Variants in MAP3K19 observed in about 807,000 individuals in gnomAD.
MAP3K19 encodes SPS1/STE20-related protein kinase YSK4.
Under a neutral mutation model 114.4 loss-of-function variants are expected in MAP3K19, and 91 were observed. The ratio of observed to expected loss-of-function variants is 0.80; its 90% CI spans 0.67 to 0.95. MAP3K19 has a LOEUF of 0.95. Ranked by LOEUF, MAP3K19 falls within the 40% of genes least tolerant of loss-of-function variation. MAP3K19 has a pLI of 0.00. For synonymous variants in MAP3K19, 518 were observed against 530.5 expected (o/e 0.98, Z 0.32); for missense variants, 1,471 against 1,573.2 (o/e 0.94, Z 1.10).
Position 135,000,029 on chromosome 2 carries a change from C to T in MAP3K19, c.236-14G>A. The T allele has an allele frequency of 2.6e-6, 4 of 1,547,414 alleles. No individual in the cohort carries two copies. The highest frequency in any genetic ancestry group is 3.6e-6 in the Non-Finnish European group (4 of 1,119,640). On this transcript the variant is annotated splice_polypyrimidine_tract_variant and intron_variant, in intron 6 of 12. Transcript: ENST00000392915. ...TGATCTCAACACCTGTAGAAACATA[C>T]CACAGTAGTAGAAGGAAGAAAGTAA...
At chr2:134,966,476 C>G (rs1188436283) in intron 12 of MAP3K19, among the ~76,000 whole-genome samples, 1 of 151,788 alleles carries the variant, frequency 6.6e-6, no homozygotes, top group East Asian at 1.9e-4. Context: ...AAAATTAAAG[C>G]AGTTGGATGT....
intron 4 of MAP3K19, chr2:135,023,228 CTTT>C (rs1688099970): frequency 2.9e-6 from 1 of 339,708 alleles, no homozygotes; most frequent in Non-Finnish European, 5.8e-6. Flanking sequence ...TTTGTAATCT[CTTT>C]TCCAATTTAA....
At chr2:134,966,663 C>A (rs1268073224) in intron 12 of MAP3K19, among the ~76,000 whole-genome samples, 2 of 152,142 alleles carry the variant, frequency 1.3e-5, no homozygotes, top group Admixed American at 1.3e-4. Flanking sequence ...CTTGAGCCCC[C>A]CAGGCCACAG....
intron 11 of MAP3K19, among the ~76,000 whole-genome samples, chr2:134,982,503 A>T (rs561810217): frequency 6.6e-6 from 1 of 151,994 alleles, no homozygotes; most frequent in African/African-American, 2.4e-5. Context: ...GGTCTGTGCC[A>T]CCACACCTGG....
At chr2:135,021,565 T>G in intron 5 of MAP3K19, 150 bp downstream of exon 5, 1 of 574,790 alleles carries the variant, frequency 1.7e-6, no homozygotes, top group South Asian at 2.3e-5. Flanking sequence ...AGATTAAACT[T>G]TCAGAAGAGT....
chr2:135,011,246 A>G (rs933851475), intron 5 of MAP3K19, among the ~76,000 whole-genome samples: 1 of 152,186 alleles, frequency 6.6e-6, no homozygotes, highest in Non-Finnish European at 1.5e-5. Flanking sequence ...AAGGTTTTTA[A>G]AAAAAGTTTT....
intron 4 of MAP3K19, chr2:135,023,489 C>T (rs1558739551): frequency 1.9e-6 from 1 of 533,476 alleles, no homozygotes; most frequent in East Asian, 5.4e-5. Flanking sequence ...AAGCCCAGTC[C>T]TACAGAAACT....
chr2:134,977,321 A>G (rs1008877055), intron 12 of MAP3K19, among the ~76,000 whole-genome samples: 9 of 148,572 alleles, frequency 6.1e-5, no homozygotes, highest in South Asian at 2.1e-4. Flanking sequence ...CACTGGGACT[A>G]CAGGTGTACA....
At chr2:135,013,790 C>A (rs894557799) in intron 5 of MAP3K19, among the ~76,000 whole-genome samples, 3 of 152,110 alleles carry the variant, frequency 2.0e-5, no homozygotes, top group African/African-American at 7.2e-5. Context: ...CATCTGAGCT[C>A]TTTGTTTTCT....
intron 11 of MAP3K19, among the ~76,000 whole-genome samples, chr2:134,982,272 C>T (rs1684734372): frequency 6.6e-6 from 1 of 150,930 alleles, no homozygotes; most frequent in African/African-American, 2.4e-5. Flanking sequence ...GCATGTACCA[C>T]CACACTAGGC....
At chr2:135,026,355 A>C (rs1239372924) in intron 3 of MAP3K19, among the ~76,000 whole-genome samples, 3 of 152,216 alleles carry the variant, frequency 2.0e-5, no homozygotes, top group Non-Finnish European at 4.4e-5. Flanking sequence ...GACGTCCAGG[A>C]ATCTCCACTT....
At chr2:135,043,805 T>C (rs1341685445) in intron 1 of MAP3K19, among the ~76,000 whole-genome samples, 1 of 152,204 alleles carries the variant, frequency 6.6e-6, no homozygotes, top group East Asian at 1.9e-4. Context: ...ATCTTTTTAT[T>C]TCTCTGGGAG....
At chr2:134,983,338 G>A (rs1239089142) in intron 11 of MAP3K19, 2 of 567,320 alleles carry the variant, frequency 3.5e-6, no homozygotes, top group Admixed American at 1.9e-5. Context: ...GAACCTGGGA[G>A]GATGAGAGGT....
At chr2:135,025,232 G>T (rs1166966865) in intron 3 of MAP3K19, among the ~76,000 whole-genome samples, 1 of 151,674 alleles carries the variant, frequency 6.6e-6, no homozygotes, top group East Asian at 1.9e-4. Flanking sequence ...CTAACAGCTA[G>T]CTCTTTTATG....
intron 4 of MAP3K19, 52 bp from the exon 5 acceptor site, chr2:135,021,882 T>C (rs1362250296): frequency 8.6e-7 from 1 of 1,165,046 alleles, no homozygotes; most frequent in African/African-American, 1.6e-5. Context: ...CTCCAGCAAT[T>C]TCAAAAGAAG....
chr2:135,043,514 A>C (rs934682515), intron 1 of MAP3K19, among the ~76,000 whole-genome samples: 5 of 152,202 alleles, frequency 3.3e-5, no homozygotes, highest in South Asian at 4.1e-4. Flanking sequence ...AAAGTACAGA[A>C]TATTCCCTCT....
chr2:135,018,633 C>A (rs1687757854), intron 5 of MAP3K19, among the ~76,000 whole-genome samples: 1 of 152,214 alleles, frequency 6.6e-6, no homozygotes, highest in African/African-American at 2.4e-5. Context: ...AGCCACTGCA[C>A]CTGGACCAGA....
chr2:135,020,663 G>A (rs114044095), intron 5 of MAP3K19, among the ~76,000 whole-genome samples: 1,722 of 152,306 alleles, frequency 0.011, 26 homozygotes, highest in African/African-American at 0.039. Context: ...TGTCAAGGGA[G>A]GGACTTTGTA....
intron 12 of MAP3K19, among the ~76,000 whole-genome samples, chr2:134,972,268 T>C (rs1331748123): frequency 6.6e-6 from 1 of 152,172 alleles, no homozygotes; most frequent in African/African-American, 2.4e-5. Context: ...ATTCCCAGCC[T>C]CTGGTAACCA....
Sources: allele counts gnomAD v4.1 joint callset (sites outside exome capture counted in the v4.1 genomes callset), GRCh38; gene constraint gnomAD v4.1.1; transcripts MANE v1.5; gene names NCBI Gene and HGNC (gene_info 2026-07-23, HGNC 2026-07-21).